The following AHCYL2 variants were observed in gnomAD, a reference collection of about 807,000 sequenced individuals.
AHCYL2 encodes adenosylhomocysteinase like 2.
Under a neutral mutation model 81.4 loss-of-function variants are expected in AHCYL2, and 28 were observed. The ratio of observed to expected loss-of-function variants is 0.34; its 90% CI spans 0.25 to 0.47. The LOEUF is 0.47. Ranked by LOEUF, AHCYL2 falls within the 20% of genes least tolerant of loss-of-function variation. The pLI, the probability that AHCYL2 is intolerant of heterozygous loss-of-function variation, is 1.00. For missense variants in AHCYL2, 551 were observed against 785.1 expected (o/e 0.70, Z 3.56); for synonymous variants, 272 against 290.2 (o/e 0.94, Z 0.64).
At chr7:129,237,651 A>G (rs1215976643) in intron 1 of AHCYL2, among the ~76,000 whole-genome samples, 1 of 152,080 alleles carries the variant, frequency 6.6e-6, no homozygotes, top group Non-Finnish European at 1.5e-5. Context: ...GTGGTAGCCT[A>G]CAGAGAAACT....
intron 1 of AHCYL2, among the ~76,000 whole-genome samples, chr7:129,363,790 G>A (rs899307989): frequency 6.6e-5 from 10 of 151,924 alleles, no homozygotes; most frequent in South Asian, 2.1e-4. Flanking sequence ...CACCCGCCTC[G>A]GCCTCCCAAA....
At chr7:129,265,413 T>C (rs183979645) in intron 1 of AHCYL2, among the ~76,000 whole-genome samples, 4 of 152,238 alleles carry the variant, frequency 2.6e-5, no homozygotes, top group Middle Eastern at 3.4e-3. Context: ...TGGCAGTAAC[T>C]AGGGAAAGAG....
intron 1 of AHCYL2, among the ~76,000 whole-genome samples, chr7:129,293,455 C>A (rs1796942194): frequency 6.6e-6 from 1 of 152,044 alleles, no homozygotes; most frequent in African/African-American, 2.4e-5. Flanking sequence ...ACCAGCGGAT[C>A]ACTTGAGCCC....
intron 5 of AHCYL2, among the ~76,000 whole-genome samples, chr7:129,399,985 C>T (rs768075728): frequency 2.0e-5 from 3 of 152,152 alleles, no homozygotes; most frequent in Non-Finnish European, 4.4e-5. Context: ...CTCAGCCTCC[C>T]AAGGTGCTGG....
intron 1 of AHCYL2, among the ~76,000 whole-genome samples, chr7:129,290,571 T>C (rs1042594613): frequency 5.3e-5 from 8 of 151,196 alleles, no homozygotes; most frequent in African/African-American, 9.7e-5. Context: ...CTGTGTGAGC[T>C]GAAGAAAGTG....
At chr7:129,328,468 G>A (rs1225931152) in intron 1 of AHCYL2, among the ~76,000 whole-genome samples, 4 of 151,594 alleles carry the variant, frequency 2.6e-5, no homozygotes, top group South Asian at 4.2e-4. Context: ...GAGCCACTGC[G>A]CCCTTTTTTT....
At chr7:129,245,320 C>T (rs1212425682) in intron 1 of AHCYL2, among the ~76,000 whole-genome samples, 5 of 152,106 alleles carry the variant, frequency 3.3e-5, no homozygotes, top group South Asian at 2.1e-4. Flanking sequence ...CCACTGCACC[C>T]GGCCAGAATA....
chr7:129,409,199 G>A (rs1448545713), intron 10 of AHCYL2, among the ~76,000 whole-genome samples: 2 of 152,184 alleles, frequency 1.3e-5, no homozygotes, highest in Non-Finnish European at 2.9e-5. Context: ...TGGTTAAATG[G>A]CTAAGTGGCA....
chr7:129,287,725 A>G (rs1399054528), intron 1 of AHCYL2, among the ~76,000 whole-genome samples: 1 of 152,202 alleles, frequency 6.6e-6, no homozygotes, highest in Non-Finnish European at 1.5e-5. Flanking sequence ...CTTTTTAGTG[A>G]TTATAATTAG....
At chr7:129,360,691 A>G (rs1400790133) in intron 1 of AHCYL2, among the ~76,000 whole-genome samples, 1 of 152,138 alleles carries the variant, frequency 6.6e-6, no homozygotes. Context: ...GCTAATCTAT[A>G]AATTTTGAAA....
chr7:129,388,725 C>G (rs1795314505), intron 2 of AHCYL2: 1 of 218,154 alleles, frequency 4.6e-6, no homozygotes, highest in African/African-American at 2.3e-5. Flanking sequence ...ATCCCAAAAA[C>G]CCATATGTTA....
chr7:129,255,117 C>T (rs1795367745), intron 1 of AHCYL2, among the ~76,000 whole-genome samples: 1 of 151,718 alleles, frequency 6.6e-6, no homozygotes, highest in African/African-American at 2.4e-5. Flanking sequence ...AAAAATTAGC[C>T]GGGCATGGTG....
chr7:129,360,142 T>C (rs1793882274), intron 1 of AHCYL2, among the ~76,000 whole-genome samples: 1 of 151,232 alleles, frequency 6.6e-6, no homozygotes, highest in Admixed American at 6.6e-5. Flanking sequence ...TGAGACGGAG[T>C]TTTGCTCTTG....
intron 1 of AHCYL2, among the ~76,000 whole-genome samples, chr7:129,301,240 C>T (rs552072689): frequency 1.3e-5 from 2 of 152,178 alleles, no homozygotes; most frequent in African/African-American, 4.8e-5. Context: ...TGTTTGAGCT[C>T]CTTATATATT....
chr7:129,377,524 A>G (rs1410129879), intron 1 of AHCYL2: 2 of 456,688 alleles, frequency 4.4e-6, no homozygotes, highest in Middle Eastern at 3.3e-4. Context: ...GTGACTCATT[A>G]GTTACCTCTA....
At chr7:129,383,515 T>C (rs942629829) in intron 2 of AHCYL2, among the ~76,000 whole-genome samples, 1 of 152,142 alleles carries the variant, frequency 6.6e-6, no homozygotes, top group Non-Finnish European at 1.5e-5. Flanking sequence ...GTTCCAACCT[T>C]ACCCATCTTC....
intron 4 of AHCYL2, among the ~76,000 whole-genome samples, chr7:129,390,467 C>T (rs550761369): frequency 1.3e-4 from 20 of 152,128 alleles, no homozygotes; most frequent in Admixed American, 9.2e-4. Flanking sequence ...AACAGTAACT[C>T]AAAATAAAAG....
At chr7:129,349,359 C>T (rs571070641) in intron 1 of AHCYL2, among the ~76,000 whole-genome samples, 2 of 149,784 alleles carry the variant, frequency 1.3e-5, no homozygotes, top group Admixed American at 6.8e-5. Context: ...TCAGGCCGGG[C>T]ATGGTGGCTT....
chr7:129,409,272 C>G (rs895430842), intron 10 of AHCYL2, among the ~76,000 whole-genome samples: 1 of 152,188 alleles, frequency 6.6e-6, no homozygotes, highest in Non-Finnish European at 1.5e-5. Context: ...TCCCTATTAT[C>G]AGGAAGAAAT....
Sources: allele counts gnomAD v4.1 joint callset (sites outside exome capture counted in the v4.1 genomes callset), GRCh38; gene constraint gnomAD v4.1.1; transcripts MANE v1.5; gene names NCBI Gene and HGNC (gene_info 2026-07-23, HGNC 2026-07-21).